Variants in AQR observed in about 807,000 individuals in gnomAD.
AQR encodes the protein aquarius intron-binding spliceosomal factor.
In AQR, 61 loss-of-function variants were observed where a neutral mutation model predicts 180.5. That is an observed-to-expected ratio of 0.34 (90% CI 0.28 to 0.42). The LOEUF is 0.42. Among genes scored for constraint, AQR ranks in the 10% least tolerant of loss-of-function variants. AQR has a pLI of 1.00. For synonymous variants in AQR, 551 were observed against 588.8 expected (o/e 0.94, Z 0.93); for missense variants, 1,281 against 1,798.3 (o/e 0.71, Z 5.20).
intron 6 of AQR, among the ~76,000 whole-genome samples, chr15:34,942,653 T>G (rs1385112369): frequency 6.6e-6 from 1 of 152,228 alleles, no homozygotes; most frequent in East Asian, 1.9e-4. Flanking sequence ...CTGTTGGCAG[T>G]GAGTTCATGG....
Position 34,900,862 on chromosome 15 carries a change from G to A in AQR, c.2003C>T (p.Ala668Val), listed in dbSNP as rs537292050. Reference sequence around the variant, plus strand: ...CAGGTTCCGAATAGTCTCCAGCACAGCCTGTCAGTAAAAGGACAGAAAAAG... The same window carrying A: ...CAGGTTCCGAATAGTCTCCAGCACAACCTGTCAGTAAAAGGACAGAAAAAG... ...RRKPKENNFKAVLETIRNLMN... is the reference protein window; with the variant it reads ...RRKPKENNFKVVLETIRNLMN... The change falls in exon 20 of 35, where the codon GCT (alanine) becomes GTT (valine). Residue 668 changes from alanine (A) to valine (V), a missense_variant and splice_region_variant. This residue lies in a region of AQR where 28 missense variants were observed against 75.3 expected (regional missense o/e 0.37). Coordinates refer to ENST00000156471, the MANE Select transcript of AQR (RefSeq NM_014691.3). The A allele has an allele frequency of 3.8e-6, 6 of 1,588,592 alleles. No homozygotes were observed. The highest frequency in any genetic ancestry group is 5.2e-6 in the Non-Finnish European group (6 of 1,164,390).
intron 34 of AQR, 124 bp from the exon 35 acceptor site, chr15:34,857,230 C>T: frequency 1.2e-6 from 1 of 840,648 alleles, no homozygotes; most frequent in South Asian, 2.1e-5. Context: ...CCAGATGTAA[C>T]ACCTCTGATG....
rs759679568 is a variant in AQR, at chr15:34,867,541, C to T, written c.3837G>A (p.Arg1279=). 1.9e-6 allele frequency: 3 copies of T among 1,612,590 alleles called. No homozygotes were observed. Among genetic ancestry groups the T allele is most frequent in the Non-Finnish European group, 2.5e-6 (3 of 1,179,166 alleles). ...DYILLSLVRT[R]AVGHLRDVRR... is the part of the protein sequence containing the mutation. ...CTACGTACCTCAGATGGCCCACTGCCCTGGTTCGTACCAGAGAAAGAAGAA... is the reference window on the plus strand; with the variant it reads ...CTACGTACCTCAGATGGCCCACTGCTCTGGTTCGTACCAGAGAAAGAAGAA... The change falls in exon 32 of 35, where the codon AGG becomes AGA. Residue 1279 remains arginine (R), a synonymous_variant. Coordinates refer to ENST00000156471, the MANE Select transcript of AQR (RefSeq NM_014691.3).
intron 5 of AQR, among the ~76,000 whole-genome samples, chr15:34,947,715 T>C (rs994086169): frequency 1.9e-4 from 29 of 152,176 alleles, no homozygotes; most frequent in African/African-American, 6.7e-4. Flanking sequence ...TCATAGTTCA[T>C]TGCAGCCTCG....
chr15:34,948,251 T>C lies in AQR; in HGVS notation c.330+13A>G. ...GTCAGTATGAAAGCTATGAAGTACT[T>C]TAAATCAGTTACCTCCCATGCAGGC... On this transcript the variant is annotated intron_variant, in intron 5 of 34. Coordinates refer to ENST00000156471, the MANE Select transcript of AQR (RefSeq NM_014691.3). 2 of 1,613,016 alleles carry C rather than the reference T, an allele frequency of 1.2e-6. No homozygotes were observed. Among genetic ancestry groups the C allele is most frequent in the East Asian group, 4.5e-5 (2 of 44,808 alleles).
At chr15:34,860,591 G>A (rs1015486912) in intron 33 of AQR, among the ~76,000 whole-genome samples, 1 of 152,150 alleles carries the variant, frequency 6.6e-6, no homozygotes, top group Non-Finnish European at 1.5e-5. Context: ...TTTGACTAGA[G>A]AGAAAAGTCA....
intron 27 of AQR, among the ~76,000 whole-genome samples, chr15:34,882,190 A>C (rs1477708742): frequency 1.3e-5 from 2 of 151,966 alleles, no homozygotes; most frequent in African/African-American, 2.4e-5. Flanking sequence ...AATTAGGTGA[A>C]TTTTAGGCTT....
At chr15:34,884,038 A>G (rs954505156) in intron 26 of AQR, among the ~76,000 whole-genome samples, 1 of 152,216 alleles carries the variant, frequency 6.6e-6, no homozygotes, top group African/African-American at 2.4e-5. Flanking sequence ...CAAAAATACT[A>G]AGACCTTTAC....
chr15:34,958,971 A>G lies in AQR; in HGVS notation c.173+1803T>C, dbSNP rs556140763. On this transcript the variant is annotated intron_variant, in intron 3 of 34. Coordinates refer to ENST00000156471, the MANE Select transcript of AQR (RefSeq NM_014691.3). ...TGTCTCCTGACATTACATTACATAT[A>G]GATATATAGATATAGATATAGATAT... Among the ~76,000 whole-genome samples the G allele has an allele frequency of 2.1e-4, 29 of 138,568 alleles. No homozygotes were observed. The East Asian group carries it at 6.0e-3, about 29-fold the overall frequency. 90.9% of individuals were successfully genotyped at this position (138,568 alleles called of 152,430 possible).
chr15:34,904,542 TA>T lies in AQR; in HGVS notation c.1832-38del, dbSNP rs577844811. 1.8e-4 allele frequency: 284 copies of T among 1,546,472 alleles called. 2 individuals carry two copies. In the African/African-American group the frequency reaches 3.5e-3, roughly 19 times the overall value. The stretch of plus-strand genomic sequence containing the variant: ...GAAAAAGTTTGTTAAATAAAATATG[TA>T]TTTTTCAAATATCAAAATAAGTTAA... On this transcript the variant is annotated intron_variant, in intron 18 of 34. Transcript: ENST00000156471.
chr15:34,919,170 C>A (rs575975698), intron 14 of AQR, among the ~76,000 whole-genome samples: 2 of 147,798 alleles, frequency 1.4e-5, no homozygotes, highest in African/African-American at 2.5e-5. Flanking sequence ...ACCCGGGAGG[C>A]GGAAGTTGCA....
chr15:34,920,226 C>A, intron 14 of AQR, 106 bp downstream of exon 14: 1 of 700,002 alleles, frequency 1.4e-6, no homozygotes, highest in Non-Finnish European at 2.3e-6. Context: ...GAATTATCTG[C>A]CTAATCTTTG....
chr15:34,934,674 T>A, intron 9 of AQR, 39 bp from the exon 10 acceptor site: 1 of 1,411,848 alleles, frequency 7.1e-7, no homozygotes, highest in South Asian at 1.4e-5. Flanking sequence ...ATTTCCTTAC[T>A]AGGCCATTTT....
intron 2 of AQR, among the ~76,000 whole-genome samples, chr15:34,962,622 A>G (rs2050286247): frequency 1.3e-5 from 2 of 151,936 alleles, no homozygotes; most frequent in South Asian, 2.1e-4. Flanking sequence ...TACAAAAATT[A>G]GCAGGGCGTG....
chr15:34,939,209 C>T (rs150943354), intron 8 of AQR, among the ~76,000 whole-genome samples: 2,754 of 152,234 alleles, frequency 0.018, 77 homozygotes, highest in African/African-American at 0.058. Flanking sequence ...GCTGGGATGA[C>T]AGGCGCCTGC....
intron 27 of AQR, among the ~76,000 whole-genome samples, chr15:34,879,391 T>A (rs4924324): frequency 0.77 from 116,606 of 151,916 alleles, 45,356 homozygotes; most frequent in Middle Eastern, 0.87. Context: ...TTTCATGTTA[T>A]CTCCTCTAGA....
At chr15:34,929,641 GA>G (rs1409833122) in intron 12 of AQR, among the ~76,000 whole-genome samples, 4 of 152,096 alleles carry the variant, frequency 2.6e-5, no homozygotes, top group African/African-American at 9.7e-5. Flanking sequence ...CAGCTTTGGA[GA>G]AGAGAGATCT....
In AQR at chr15:34,852,221, A is replaced by T. The variant is rs1892524150; in HGVS notation, c.*4571T>A. The stretch of plus-strand genomic sequence containing the variant: ...AGTTTTTGCTCGTCGCCCAGGCTGG[A>T]GTACAGTGGCGCCATCTCAGCTCAC... On this transcript the variant is annotated 3_prime_UTR_variant, in exon 35 of 35. Coordinates refer to ENST00000156471, the MANE Select transcript of AQR (RefSeq NM_014691.3). 3 of 146,866 alleles carry T rather than the reference A, an allele frequency of 2.0e-5. No individual in the cohort carries two copies. In the South Asian group the frequency reaches 6.4e-4, roughly 32 times the overall value. The allele number at this position is 146,866 out of a possible 1,614,324, so 9.1% of individuals were successfully genotyped here.
At chr15:34,966,167 G>A (rs2050308982) in intron 1 of AQR, among the ~76,000 whole-genome samples, 1 of 152,050 alleles carries the variant, frequency 6.6e-6, no homozygotes, top group South Asian at 2.1e-4. Flanking sequence ...GACAAAAAAG[G>A]AAATAAAAAT....
Sources: gnomAD v4.1 joint callset for allele counts (sites outside exome capture counted in the v4.1 genomes callset) on GRCh38, gnomAD v4.1.1 for gene constraint, gnomAD v4.1.1 regional missense constraint, MANE v1.5 for transcripts, NCBI Gene and HGNC (gene_info 2026-07-23, HGNC 2026-07-21) for gene names.